Variants in NKAIN3 observed in about 807,000 individuals in gnomAD.
The protein encoded by NKAIN3 is sodium/potassium transporting ATPase interacting 3.
NKAIN3 carries 25 observed loss-of-function variants against 30.2 expected under a neutral mutation model. That is an observed-to-expected ratio of 0.83 (90% CI 0.60 to 1.16). The LOEUF (loss-of-function observed/expected upper bound fraction) is 1.16, where lower values mean the gene tolerates loss of function less well. Among genes scored for constraint, NKAIN3 ranks in the 50% most tolerant of loss-of-function variants. The pLI is 0.00. For synonymous variants in NKAIN3, 91 were observed against 89.6 expected, an observed-to-expected ratio of 1.02 and a Z score of -0.09; for missense variants, 225 against 254.1, an observed-to-expected ratio of 0.89 and a Z score of 0.78.
chr8:62,792,173 T>C (rs1817718429), intron 4 of NKAIN3, among the ~76,000 whole-genome samples: 2 of 152,250 alleles, frequency 1.3e-5, no homozygotes, highest in South Asian at 4.1e-4. Context: ...CCTGTCTTCC[T>C]TTCTGCATCT....
chr8:62,918,849 C>A (rs1338348965), intron 5 of NKAIN3, among the ~76,000 whole-genome samples: 1 of 152,042 alleles, frequency 6.6e-6, no homozygotes, highest in African/African-American at 2.4e-5. Context: ...CAATTTTAGG[C>A]ATGTTGGTGG....
At chr8:62,509,826 A>C (rs1438313172) in intron 1 of NKAIN3, among the ~76,000 whole-genome samples, 1 of 152,170 alleles carries the variant, frequency 6.6e-6, no homozygotes, top group East Asian at 1.9e-4. Flanking sequence ...CACTCCATGA[A>C]GACCGTTTAT....
chr8:62,433,038 A>G (rs1805064379), intron 1 of NKAIN3, among the ~76,000 whole-genome samples: 3 of 152,182 alleles, frequency 2.0e-5, no homozygotes, highest in Admixed American at 2.0e-4. Context: ...ATAATCTTTA[A>G]TTAATTACTT....
intron 4 of NKAIN3, among the ~76,000 whole-genome samples, chr8:62,839,445 G>A (rs1273134276): frequency 6.6e-6 from 1 of 151,996 alleles, no homozygotes; most frequent in Non-Finnish European, 1.5e-5. Flanking sequence ...CGTATTTGAA[G>A]CGGCATTATT....
At chr8:62,721,620 C>T (rs1325518177) in intron 3 of NKAIN3, among the ~76,000 whole-genome samples, 2 of 152,118 alleles carry the variant, frequency 1.3e-5, no homozygotes, top group African/African-American at 4.8e-5. Flanking sequence ...GAGTAGAGAA[C>T]AATGACTGTA....
chr8:62,640,003 C>G (rs1403108595), intron 3 of NKAIN3, among the ~76,000 whole-genome samples: 1 of 152,060 alleles, frequency 6.6e-6, no homozygotes, highest in Non-Finnish European at 1.5e-5. Context: ...AAATTTAGCC[C>G]TTATCTCTAA....
intron 1 of NKAIN3, among the ~76,000 whole-genome samples, chr8:62,465,019 A>G (rs1203555394): frequency 1.3e-5 from 2 of 152,142 alleles, no homozygotes; most frequent in Admixed American, 1.3e-4. Context: ...GCCTATTTGG[A>G]AAACATTTTA....
intron 3 of NKAIN3, among the ~76,000 whole-genome samples, chr8:62,613,749 G>C (rs1811361447): frequency 6.6e-6 from 1 of 151,860 alleles, no homozygotes. Context: ...CAATTAGGCT[G>C]TCTTCAAGCT....
intron 2 of NKAIN3, among the ~76,000 whole-genome samples, 198 bp downstream of exon 2, chr8:62,579,874 A>T (rs1159243451): frequency 6.6e-6 from 1 of 152,168 alleles, no homozygotes; most frequent in Non-Finnish European, 1.5e-5. Context: ...GATCAAAACA[A>T]CATGCTCAAA....
At chr8:62,808,759 A>G (rs1818387762) in intron 4 of NKAIN3, among the ~76,000 whole-genome samples, 1 of 152,186 alleles carries the variant, frequency 6.6e-6, no homozygotes, top group African/African-American at 2.4e-5. Flanking sequence ...GACCGAGATC[A>G]CAAGACCAGG....
chr8:62,536,760 T>G (rs1405131360), intron 1 of NKAIN3, among the ~76,000 whole-genome samples: 1 of 152,238 alleles, frequency 6.6e-6, no homozygotes, highest in Non-Finnish European at 1.5e-5. Context: ...CTTGCCCATA[T>G]TCTCTTAAAT....
intron 3 of NKAIN3, among the ~76,000 whole-genome samples, chr8:62,600,261 A>G (rs1013860745): frequency 1.3e-5 from 2 of 152,044 alleles, no homozygotes; most frequent in African/African-American, 4.8e-5. Context: ...AACTGTGCAT[A>G]AGCATAACTT....
intron 1 of NKAIN3, among the ~76,000 whole-genome samples, chr8:62,449,368 T>C (rs1237371332): frequency 6.6e-6 from 1 of 152,056 alleles, no homozygotes; most frequent in Non-Finnish European, 1.5e-5. Context: ...TCTATATCTA[T>C]ATTAGACTGG....
chr8:62,423,593 T>C (rs1428307092), intron 1 of NKAIN3, among the ~76,000 whole-genome samples: 1 of 151,882 alleles, frequency 6.6e-6, no homozygotes, highest in African/African-American at 2.4e-5. Context: ...TTTACTAATA[T>C]AGAGCTATTT....
intron 1 of NKAIN3, among the ~76,000 whole-genome samples, chr8:62,577,857 C>A (rs1810165748): frequency 6.6e-6 from 1 of 151,928 alleles, no homozygotes; most frequent in Non-Finnish European, 1.5e-5. Flanking sequence ...GAATGTGGGT[C>A]TGTTGTGGTT....
At chr8:62,949,515 T>C (rs1366686048) in intron 5 of NKAIN3, among the ~76,000 whole-genome samples, 2 of 152,186 alleles carry the variant, frequency 1.3e-5, no homozygotes, top group African/African-American at 2.4e-5. Context: ...ACAAGTAATA[T>C]TATTTCTTCC....
intron 3 of NKAIN3, among the ~76,000 whole-genome samples, chr8:62,625,922 T>C (rs1423129057): frequency 6.6e-6 from 1 of 151,512 alleles, no homozygotes; most frequent in Non-Finnish European, 1.5e-5. Context: ...TGTAAGCACT[T>C]TTCATGTGTT....
At chr8:62,657,593 T>C (rs1288436209) in intron 3 of NKAIN3, among the ~76,000 whole-genome samples, 1 of 152,170 alleles carries the variant, frequency 6.6e-6, no homozygotes, top group Non-Finnish European at 1.5e-5. Context: ...ATCAATCTCT[T>C]AGTGTCAGAA....
At chr8:62,863,232 AT>A (rs1459759073) in intron 4 of NKAIN3, 3 of 1,567,996 alleles carry the variant, frequency 1.9e-6, no homozygotes, top group Non-Finnish European at 1.7e-6. Flanking sequence ...TCTTCTGTTT[AT>A]TTTTCAGTTT....
Sources: gnomAD v4.1 joint callset for allele counts (sites outside exome capture counted in the v4.1 genomes callset) on GRCh38, gnomAD v4.1.1 for gene constraint, MANE v1.5 for transcripts, NCBI Gene and HGNC (gene_info 2026-07-23, HGNC 2026-07-21) for gene names.